The following MCM9 variants were observed in gnomAD, a reference collection of about 807,000 sequenced individuals.
The protein encoded by MCM9 is DNA helicase MCM9.
In MCM9, 55 loss-of-function variants were observed where a neutral mutation model predicts 72.8. That is an observed-to-expected ratio of 0.76 (90% CI 0.61 to 0.95). MCM9 has a LOEUF of 0.95. Ranked by LOEUF, MCM9 falls within the 40% of genes least tolerant of loss-of-function variation. The pLI, the probability that MCM9 is intolerant of heterozygous loss-of-function variation, is 0.00. For synonymous variants in MCM9, 480 were observed against 503.4 expected, an observed-to-expected ratio of 0.95 and a Z score of 0.62; for missense variants, 1,279 against 1,377.0, an observed-to-expected ratio of 0.93 and a Z score of 1.13.
chr6:118,911,144 T>G, intron 8 of MCM9: 1 of 985,456 alleles, frequency 1.0e-6, no homozygotes, highest in Non-Finnish European at 1.2e-6. Flanking sequence ...TGCTAAAGAA[T>G]CATTACAACT....
At chr6:118,928,854 CAA>C (rs574118895) in intron 3 of MCM9, among the ~76,000 whole-genome samples, 7 of 128,166 alleles carry the variant, frequency 5.5e-5, no homozygotes, top group Non-Finnish European at 5.1e-5. Flanking sequence ...GACCCTGTCT[CAA>C]AAAAAAAAAA....
At chr6:118,849,862 T>A (rs1351246712) in intron 9 of MCM9, among the ~76,000 whole-genome samples, 1 of 151,804 alleles carries the variant, frequency 6.6e-6, no homozygotes, top group African/African-American at 2.4e-5. Flanking sequence ...CCTATCCCCA[T>A]GGGTTTTGCT....
At chr6:118,911,943 T>G in intron 7 of MCM9, 174 bp from the exon 8 acceptor site, 1 of 484,682 alleles carries the variant, frequency 2.1e-6, no homozygotes, top group South Asian at 3.7e-5. Flanking sequence ...CTTAATTGAT[T>G]ACTCAATGTG....
chr6:118,910,882 T>G, intron 8 of MCM9: 1 of 985,428 alleles, frequency 1.0e-6, no homozygotes, highest in Non-Finnish European at 1.2e-6. Flanking sequence ...TGTTAGTTTC[T>G]CATTAGAAAT....
intron 8 of MCM9, among the ~76,000 whole-genome samples, chr6:118,901,794 AC>A (rs1779813126): frequency 6.6e-6 from 1 of 152,198 alleles, no homozygotes; most frequent in Non-Finnish European, 1.5e-5. Context: ...GTTAAGTGGA[AC>A]TCACTGAAAA....
intron 8 of MCM9, among the ~76,000 whole-genome samples, chr6:118,910,362 A>G (rs368707880): frequency 6.6e-6 from 1 of 152,162 alleles, no homozygotes; most frequent in Non-Finnish European, 1.5e-5. Flanking sequence ...TAACTATTCT[A>G]TAACCGTAAA....
At chr6:118,923,271 T>C (rs1170714803) in intron 4 of MCM9, among the ~76,000 whole-genome samples, 1 of 150,214 alleles carries the variant, frequency 6.7e-6, no homozygotes, top group Non-Finnish European at 1.5e-5. Context: ...CCATATCTTG[T>C]TCACTCCAAT....
rs1172186744 is a variant in MCM9 at position 118,815,890 on chromosome 6, G to A, written c.2366C>T (p.Pro789Leu). 6.5e-7 allele frequency: 1 copy of A among 1,543,898 alleles called. No individual in the cohort carries two copies. Among genetic ancestry groups the A allele is most frequent in the South Asian group, 1.2e-5 (1 of 83,986 alleles). Residue 789 changes from proline to leucine, a missense_variant, in exon 14 of 14, where the codon CCA (proline) becomes CTA (leucine). Coordinates refer to ENST00000619706, the MANE Select transcript of MCM9 (RefSeq NM_017696.3). ...AATGTCCACTTTGCTCCTTTGGCCT[G>A]GCTCACTCTTCTCCTTACCCTGAGA... ...STSQGKEKSEPGQRSKVDIGL... is the reference protein window; with the variant it reads ...STSQGKEKSELGQRSKVDIGL...
intron 8 of MCM9, among the ~76,000 whole-genome samples, chr6:118,885,803 C>T (rs1425595914): frequency 1.3e-5 from 2 of 152,166 alleles, no homozygotes; most frequent in African/African-American, 2.4e-5. Flanking sequence ...AGAAGCACTT[C>T]CTAATTCATT....
chr6:118,910,899 A>C (rs967942767), intron 8 of MCM9: 5 of 985,316 alleles, frequency 5.1e-6, no homozygotes, highest in Non-Finnish European at 6.0e-6. Flanking sequence ...AAATTTGAGC[A>C]TTCATTAGCC....
chr6:118,911,433 T>C, intron 8 of MCM9: 1 of 1,276,540 alleles, frequency 7.8e-7, no homozygotes, highest in Non-Finnish European at 9.9e-7. Context: ...GAAAATTGAA[T>C]AGGATTGTTC....
At chr6:118,848,023 T>C (rs1775990917) in intron 9 of MCM9, among the ~76,000 whole-genome samples, 1 of 151,844 alleles carries the variant, frequency 6.6e-6, no homozygotes, top group Non-Finnish European at 1.5e-5. Context: ...AAGACAATAA[T>C]CAGGAGCCCC....
chr6:118,922,016 C>T lies in MCM9; in HGVS notation c.692G>A (p.Ser231Asn). 1 of 1,612,534 alleles carries T rather than the reference C, an allele frequency of 6.2e-7. No homozygotes were observed. Among genetic ancestry groups the T allele is most frequent in the Non-Finnish European group, 8.5e-7 (1 of 1,179,204 alleles). Residue 231 changes from serine to asparagine, a missense_variant, in exon 5 of 14, where the codon AGT becomes AAT. Ser to Asn is a conservative substitution (Grantham distance 46). Transcript: ENST00000619706. ...TCCCCTCTTCTTACCAGATTTGCAACTATCCACTAAGTCATCTTCCAGAAT... is the reference window on the plus strand; with the variant it reads ...TCCCCTCTTCTTACCAGATTTGCAATTATCCACTAAGTCATCTTCCAGAAT... ...KVILEDDLVD[S>N]CKSGDDLTIY...
chr6:118,823,243 C>G (rs1359995466), intron 13 of MCM9, among the ~76,000 whole-genome samples: 1 of 152,116 alleles, frequency 6.6e-6, no homozygotes, highest in Non-Finnish European at 1.5e-5. Context: ...GGTGTAGGCT[C>G]ATGAGGGAAT....
At chr6:118,828,626 C>A (rs1393183464) in intron 10 of MCM9, among the ~76,000 whole-genome samples, 1 of 152,118 alleles carries the variant, frequency 6.6e-6, no homozygotes, top group Non-Finnish European at 1.5e-5. Flanking sequence ...CTCAGGTGAT[C>A]CACCTGTCTC....
intron 9 of MCM9, among the ~76,000 whole-genome samples, chr6:118,841,383 G>GC (rs994611395): frequency 1.6e-4 from 24 of 152,050 alleles, no homozygotes; most frequent in Admixed American, 1.0e-3. Flanking sequence ...CTCTCCTCTG[G>GC]CCCCCCCTTA....
intron 8 of MCM9, among the ~76,000 whole-genome samples, chr6:118,866,350 T>C (rs971733061): frequency 1.2e-4 from 19 of 152,064 alleles, no homozygotes; most frequent in Non-Finnish European, 2.2e-4. Flanking sequence ...GAAAAGAATA[T>C]GGTAAATCTC....
chr6:118,904,818 C>G (rs1780059714), intron 8 of MCM9, among the ~76,000 whole-genome samples: 1 of 152,114 alleles, frequency 6.6e-6, no homozygotes, highest in Non-Finnish European at 1.5e-5. Context: ...TGCTATGTAG[C>G]TATTTCCATC....
chr6:118,824,078 G>GTC (rs1390043000), intron 13 of MCM9, among the ~76,000 whole-genome samples: 2 of 105,266 alleles, frequency 1.9e-5, no homozygotes, highest in Admixed American at 1.6e-4. Flanking sequence ...TTTAGACAGA[G>GTC]TCTCTCTCTG....
Sources: allele counts gnomAD v4.1 joint callset (sites outside exome capture counted in the v4.1 genomes callset), GRCh38; gene constraint gnomAD v4.1.1; transcripts MANE v1.5; gene names NCBI Gene and HGNC (gene_info 2026-07-23, HGNC 2026-07-21).